CDH18: variants seen among roughly 807,000 people sequenced by gnomAD.
The protein encoded by CDH18 is cadherin 18.
A neutral mutation model predicts 67.9 loss-of-function variants in CDH18; 31 were observed. That is an observed-to-expected ratio of 0.46 (90% CI 0.34 to 0.62). CDH18 has a LOEUF of 0.62. Among genes scored for constraint, CDH18 ranks in the 20% least tolerant of loss-of-function variants. The pLI is 0.01. For synonymous variants in CDH18, 362 were observed against 347.2 expected (o/e 1.04, Z -0.48); for missense variants, 890 against 975.5 (o/e 0.91, Z 1.17).
rs539000754 is a variant in CDH18 at position 19,937,910 on chromosome 5, G to T, written c.-257+43150C>A. Among the ~76,000 whole-genome samples, 113 of 149,360 alleles carry T rather than the reference G, an allele frequency of 7.6e-4. 2 individuals carry two copies. In the South Asian group the frequency reaches 0.023, roughly 30 times the overall value. ...AATTTTTTTTATTGAATTTCACAAA[G>T]ACAAGAATCACATTTCAAATTATGT... On this transcript the variant is annotated intron_variant, in intron 2 of 12. Coordinates refer to ENST00000382275, the MANE Select transcript of CDH18 (RefSeq NM_004934.5).
At chr5:20,097,438 A>G (rs1746086387) in intron 2 of CDH18, among the ~76,000 whole-genome samples, 1 of 152,112 alleles carries the variant, frequency 6.6e-6, no homozygotes, top group South Asian at 2.1e-4. Flanking sequence ...GTCAGATCTC[A>G]TGAGACTTGT....
At chr5:19,714,330 T>C (rs758866350) in intron 5 of CDH18, among the ~76,000 whole-genome samples, 7 of 152,132 alleles carry the variant, frequency 4.6e-5, no homozygotes, top group Non-Finnish European at 7.4e-5. Flanking sequence ...AGTTATGATA[T>C]GACAGGCAAA....
At chr5:19,666,702 T>G (rs1287580301) in intron 5 of CDH18, among the ~76,000 whole-genome samples, 1 of 152,102 alleles carries the variant, frequency 6.6e-6, no homozygotes, top group Non-Finnish European at 1.5e-5. Flanking sequence ...CAACTGATTT[T>G]TGGCAAAGTG....
At chr5:19,772,417 G>A (rs1773833302) in intron 3 of CDH18, among the ~76,000 whole-genome samples, 2 of 152,140 alleles carry the variant, frequency 1.3e-5, no homozygotes, top group Middle Eastern at 6.8e-3. Flanking sequence ...GTGTCAGTGA[G>A]AGAGAGAGAA....
At chr5:19,792,787 CA>C (rs908014905) in intron 3 of CDH18, among the ~76,000 whole-genome samples, 3 of 152,016 alleles carry the variant, frequency 2.0e-5, no homozygotes, top group South Asian at 4.2e-4. Flanking sequence ...AAATAACATA[CA>C]AAAAAACTGT....
At chr5:20,458,260 AGTTT>A (rs1253272542) in intron 1 of CDH18, among the ~76,000 whole-genome samples, 4 of 152,032 alleles carry the variant, frequency 2.6e-5, no homozygotes, top group African/African-American at 4.8e-5. Flanking sequence ...GCAGTTTTAA[AGTTT>A]GTTTGTTTTG....
intron 2 of CDH18, among the ~76,000 whole-genome samples, chr5:20,225,076 G>A (rs1741506009): frequency 6.6e-6 from 1 of 152,026 alleles, no homozygotes; most frequent in Admixed American, 6.6e-5. Flanking sequence ...TCTGCTGTTT[G>A]GATAGCTCTT....
chr5:19,634,094 C>A (rs1752775647), intron 5 of CDH18, among the ~76,000 whole-genome samples: 3 of 152,098 alleles, frequency 2.0e-5, no homozygotes, highest in Admixed American at 2.0e-4. Flanking sequence ...CCCTTTTCCC[C>A]AAAATAAGCT....
rs1359100461 is a variant in CDH18, at chr5:20,099,104, A to C, written c.-517-107090T>G. On this transcript the variant is annotated intron_variant, in intron 2 of 14. Transcript: ENST00000507958. ...TATTTAGACACTTGCAAAGATGTTG[A>C]TATTTTGTTAAAATTTTCAGTTTTT... Among the ~76,000 whole-genome samples, 4 of 152,342 alleles carry C rather than the reference A, an allele frequency of 2.6e-5. No individual in the cohort carries two copies. The East Asian group carries it at 5.8e-4, about 22-fold the overall frequency.
At chr5:20,167,962 T>A (rs1319922688) in intron 2 of CDH18, among the ~76,000 whole-genome samples, 2 of 152,192 alleles carry the variant, frequency 1.3e-5, no homozygotes, top group Admixed American at 6.5e-5. Flanking sequence ...ATGTGTGGTG[T>A]GGATCTAACT....
At chr5:20,249,555 T>G (rs559210407) in intron 2 of CDH18, among the ~76,000 whole-genome samples, 1 of 152,116 alleles carries the variant, frequency 6.6e-6, no homozygotes, top group East Asian at 1.9e-4. Context: ...CCTAATTTTT[T>G]GTATTTTTAG....
At chr5:19,597,620 TA>T (rs545939175) in intron 6 of CDH18, among the ~76,000 whole-genome samples, 516 of 152,214 alleles carry the variant, frequency 3.4e-3, no homozygotes, top group South Asian at 6.2e-3. Context: ...AAAAAACAAA[TA>T]AAAAATGTCA....
chr5:19,866,310 C>G lies in CDH18; in HGVS notation c.-256-27068G>C, dbSNP rs559428841. The stretch of plus-strand genomic sequence containing the variant: ...CTGTCAAGAAGAAAATGTGTCCTTA[C>G]AGAACCCAGCATCTAGGAAAACTCA... On this transcript the variant is annotated intron_variant, in intron 2 of 12. Transcript: ENST00000382275. Among the ~76,000 whole-genome samples, 3 of 152,308 alleles carry G rather than the reference C, an allele frequency of 2.0e-5. No individual in the cohort carries two copies. In the South Asian group the frequency reaches 6.2e-4, roughly 32 times the overall value.
intron 5 of CDH18, among the ~76,000 whole-genome samples, chr5:19,662,715 TC>T (rs1469514591): frequency 6.6e-6 from 1 of 152,086 alleles, no homozygotes; most frequent in Non-Finnish European, 1.5e-5. Context: ...TATGAGCTTT[TC>T]TTTTACTCAT....
At chr5:19,474,464 G>A (rs1353834445) in intron 12 of CDH18, among the ~76,000 whole-genome samples, 1 of 151,926 alleles carries the variant, frequency 6.6e-6, no homozygotes, top group Non-Finnish European at 1.5e-5. Flanking sequence ...GCAATTTTTT[G>A]TGTGTGAAAA....
intron 2 of CDH18, among the ~76,000 whole-genome samples, chr5:19,892,825 T>C (rs4866159): frequency 0.81 from 123,312 of 152,114 alleles, 51,478 homozygotes; most frequent in Non-Finnish European, 0.91. Context: ...TTGAAAGTGA[T>C]CTCATAAGAG....
intron 3 of CDH18, among the ~76,000 whole-genome samples, chr5:19,814,935 T>C (rs886374085): frequency 2.6e-5 from 4 of 151,786 alleles, no homozygotes; most frequent in Admixed American, 6.6e-5. Flanking sequence ...ACAATGTGAA[T>C]AAATATATAC....
At chr5:19,924,631 T>TAACA (rs566168654) in intron 2 of CDH18, among the ~76,000 whole-genome samples, 22 of 152,050 alleles carry the variant, frequency 1.4e-4, no homozygotes, top group African/African-American at 3.1e-4. Context: ...GTCTCAAAAC[T>TAACA]AACAAACAAA....
At chr5:19,720,703 A>G (rs982933357) in intron 5 of CDH18, among the ~76,000 whole-genome samples, 1 of 152,166 alleles carries the variant, frequency 6.6e-6, no homozygotes, top group African/African-American at 2.4e-5. Flanking sequence ...GATTGACATA[A>G]TATGTTTTGG....
Sources: allele counts gnomAD v4.1 joint callset (sites outside exome capture counted in the v4.1 genomes callset), GRCh38; gene constraint gnomAD v4.1.1; transcripts MANE v1.5; gene names NCBI Gene and HGNC (gene_info 2026-07-23, HGNC 2026-07-21).